VTI1A: variants seen among roughly 807,000 people sequenced by gnomAD.
The protein encoded by VTI1A is vesicle transport through interaction with t-SNAREs homolog 1A.
A neutral mutation model predicts 34.9 loss-of-function variants in VTI1A; 22 were observed. The ratio of observed to expected loss-of-function variants is 0.63; its 90% CI spans 0.45 to 0.90. VTI1A has a LOEUF of 0.90. Among genes scored for constraint, VTI1A ranks in the 40% least tolerant of loss-of-function variants. The probability of loss-of-function intolerance (pLI) is 0.00; values close to 1 mark genes in which losing one functional copy is unlikely to be tolerated. For missense variants in VTI1A, 268 were observed against 275.6 expected, an observed-to-expected ratio of 0.97 and a Z score of 0.20; for synonymous variants, 87 against 97.3, an observed-to-expected ratio of 0.89 and a Z score of 0.62.
At chr10:112,745,176 G>A (rs1454368837) in intron 7 of VTI1A, among the ~76,000 whole-genome samples, 2 of 151,362 alleles carry the variant, frequency 1.3e-5, no homozygotes, top group African/African-American at 2.4e-5. Context: ...ATGACTTTTT[G>A]TGGAGAGAGT....
chr10:112,471,899 A>G (rs1367762785), intron 3 of VTI1A, among the ~76,000 whole-genome samples: 1 of 152,188 alleles, frequency 6.6e-6, no homozygotes, highest in African/African-American at 2.4e-5. Flanking sequence ...TTATACAAAC[A>G]AAAAACCCTC....
chr10:112,460,348 G>A (rs773785675), intron 1 of VTI1A, among the ~76,000 whole-genome samples, 176 bp from the exon 2 acceptor site: 21 of 151,842 alleles, frequency 1.4e-4, no homozygotes, highest in Non-Finnish European at 2.4e-4. Context: ...TTTCTAGATA[G>A]CCTGGAATCA....
chr10:112,802,236 C>T (rs1304984163), intron 7 of VTI1A, among the ~76,000 whole-genome samples: 1 of 152,126 alleles, frequency 6.6e-6, no homozygotes, highest in Admixed American at 6.6e-5. Context: ...GACACCTTGT[C>T]TCAAAAAATA....
chr10:112,661,778 T>C (rs2133822611), intron 5 of VTI1A, among the ~76,000 whole-genome samples: 1 of 148,358 alleles, frequency 6.7e-6, no homozygotes, highest in Admixed American at 6.7e-5. Flanking sequence ...TTTTTTTTTT[T>C]TTTTTTTGAG....
chr10:112,707,023 A>G (rs1849222988), intron 7 of VTI1A, among the ~76,000 whole-genome samples: 1 of 152,232 alleles, frequency 6.6e-6, no homozygotes, highest in Admixed American at 6.5e-5. Flanking sequence ...AATAAAACCT[A>G]AACGTTTAAA....
chr10:112,560,520 G>A (rs951127188), intron 5 of VTI1A, among the ~76,000 whole-genome samples: 4 of 150,916 alleles, frequency 2.7e-5, no homozygotes, highest in Admixed American at 6.6e-5. Flanking sequence ...CCACAAGAAT[G>A]TAAGCTTCCT....
intron 5 of VTI1A, among the ~76,000 whole-genome samples, chr10:112,646,484 C>A (rs1191889312): frequency 6.6e-6 from 1 of 151,470 alleles, no homozygotes; most frequent in Admixed American, 6.6e-5. Context: ...TTGTGGGTGA[C>A]CTGCAAGGGT....
chr10:112,610,546 AAAAT>A (rs1484328471), intron 5 of VTI1A, among the ~76,000 whole-genome samples: 1 of 152,236 alleles, frequency 6.6e-6, no homozygotes, highest in African/African-American at 2.4e-5. Flanking sequence ...GCCAAAAGAA[AAAAT>A]AAATCTGTGT....
rs61256241 is a variant in VTI1A, at chr10:112,591,518, T to TCACA, written c.427+53205_427+53208dup. On this transcript the variant is annotated intron_variant, in intron 5 of 7. Coordinates refer to ENST00000393077, the MANE Select transcript of VTI1A (RefSeq NM_145206.4). ...CTGGGTGACAGAGTGAGACTCCGTC[T>TCACA]CACACACACACACACACACAAAACG... 8.0e-3 allele frequency among the ~76,000 whole-genome samples: 1,207 copies of TCACA among 150,812 alleles called. 11 individuals carry two copies. The highest frequency in any genetic ancestry group is 0.013 in the African/African-American group (526 of 41,144).
intron 3 of VTI1A, among the ~76,000 whole-genome samples, chr10:112,520,159 A>G (rs1849961841): frequency 6.6e-6 from 1 of 152,174 alleles, no homozygotes; most frequent in African/African-American, 2.4e-5. Flanking sequence ...TTTACGTATC[A>G]AAAGACTTTA....
intron 3 of VTI1A, among the ~76,000 whole-genome samples, chr10:112,480,352 G>A (rs757295182): frequency 6.6e-6 from 1 of 152,126 alleles, no homozygotes; most frequent in African/African-American, 2.4e-5. Flanking sequence ...TTTTGATATA[G>A]ATTACTATAA....
At chr10:112,673,073 T>G (rs1159043496) in intron 7 of VTI1A, among the ~76,000 whole-genome samples, 2 of 151,990 alleles carry the variant, frequency 1.3e-5, no homozygotes, top group African/African-American at 4.8e-5. Context: ...TCCCAACACT[T>G]TGGGAGACCG....
intron 3 of VTI1A, among the ~76,000 whole-genome samples, chr10:112,508,945 A>G (rs898701207): frequency 6.6e-6 from 1 of 152,218 alleles, no homozygotes; most frequent in Non-Finnish European, 1.5e-5. Flanking sequence ...TTGGGAGACA[A>G]ACGTGAGTCA....
intron 7 of VTI1A, among the ~76,000 whole-genome samples, chr10:112,795,450 T>TC (rs1365390668): frequency 2.7e-5 from 4 of 148,170 alleles, no homozygotes; most frequent in Middle Eastern, 3.5e-3. Flanking sequence ...TTTTTTTTTT[T>TC]CTGAGAGACA....
chr10:112,766,860 A>G (rs1851665166), intron 7 of VTI1A, among the ~76,000 whole-genome samples: 1 of 152,248 alleles, frequency 6.6e-6, no homozygotes. Context: ...GTGGCAGGTA[A>G]CTTGGATGAG....
intron 7 of VTI1A, among the ~76,000 whole-genome samples, chr10:112,810,222 G>A (rs566050354): frequency 2.0e-5 from 3 of 152,048 alleles, no homozygotes; most frequent in East Asian, 3.9e-4. Flanking sequence ...GGCCAACACG[G>A]TGAAACCCCA....
chr10:112,569,522 C>T (rs1044523628), intron 5 of VTI1A, among the ~76,000 whole-genome samples: 1 of 152,184 alleles, frequency 6.6e-6, no homozygotes, highest in Non-Finnish European at 1.5e-5. Flanking sequence ...TAAGTTTATA[C>T]TCTGAAGACA....
At chr10:112,845,693 G>C in the VTI1A span, among the ~76,000 whole-genome samples, 1 of 152,130 alleles carries the variant, frequency 6.6e-6, no homozygotes, top group Non-Finnish European at 1.5e-5. Context: ...CGAGCCCCAG[G>C]TTCTCCCAAG....
chr10:112,807,364 G>A (rs111430309), intron 7 of VTI1A, among the ~76,000 whole-genome samples: 37 of 152,268 alleles, frequency 2.4e-4, no homozygotes, highest in Admixed American at 1.6e-3. Flanking sequence ...TTGACAGGGC[G>A]ATGCTCTCTC....
Sources: allele counts gnomAD v4.1 joint callset (sites outside exome capture counted in the v4.1 genomes callset), GRCh38; gene constraint gnomAD v4.1.1; transcripts MANE v1.5; gene names NCBI Gene and HGNC (gene_info 2026-07-23, HGNC 2026-07-21).